Variants in KLRB1 observed in about 807,000 individuals in gnomAD.
KLRB1 encodes the protein killer cell lectin-like receptor subfamily B member 1.
A neutral mutation model predicts 33.5 loss-of-function variants in KLRB1; 27 were observed. The observed-to-expected ratio is 0.81, with a 90% CI of 0.59 to 1.11. KLRB1 has a LOEUF of 1.11. Among genes scored for constraint, KLRB1 ranks in the 50% most tolerant of loss-of-function variants. The probability of loss-of-function intolerance (pLI) is 0.00; values close to 1 mark genes in which losing one functional copy is unlikely to be tolerated. For missense variants in KLRB1, 241 were observed against 254.1 expected (o/e 0.95, Z 0.35); for synonymous variants, 64 against 88.9 (o/e 0.72, Z 1.58).
intron 3 of KLRB1, 44 bp from the exon 4 acceptor site, chr12:9,598,697 A>C (rs1323336965): frequency 6.8e-7 from 1 of 1,473,916 alleles, no homozygotes; most frequent in East Asian, 2.3e-5. Flanking sequence ...TATATTTCTA[A>C]CCTATCCCTG....
intron 1 of KLRB1, among the ~76,000 whole-genome samples, chr12:9,604,887 G>A (rs1429202190): frequency 1.1e-4 from 16 of 151,988 alleles, no homozygotes; most frequent in East Asian, 5.8e-4. Context: ...TGGGCACAAT[G>A]TGCAGGTTTG....
At chr12:9,597,333 A>G (rs760180120) in intron 5 of KLRB1, among the ~76,000 whole-genome samples, 10 of 152,146 alleles carry the variant, frequency 6.6e-5, no homozygotes, top group Non-Finnish European at 1.5e-4. Context: ...AGGCCTATAC[A>G]TTTTCGCTTG....
intron 3 of KLRB1, 69 bp from the exon 4 acceptor site, chr12:9,598,722 A>G (rs1864514961): frequency 9.5e-7 from 1 of 1,048,818 alleles, no homozygotes; most frequent in African/African-American, 1.6e-5. Context: ...ACCACAACCA[A>G]TCACACACAC....
At chr12:9,606,756 A>ATTTTT (rs1188705968) in intron 1 of KLRB1, among the ~76,000 whole-genome samples, 32 of 31,528 alleles carry the variant, frequency 1.0e-3, no homozygotes, top group Non-Finnish European at 1.6e-3. Flanking sequence ...ATATATATAT[A>ATTTTT]TATATTTTTT....
intron 1 of KLRB1, among the ~76,000 whole-genome samples, chr12:9,607,250 C>CTT (rs1555097683): frequency 3.1e-4 from 38 of 122,488 alleles, no homozygotes; most frequent in Non-Finnish European, 5.1e-4. Flanking sequence ...CTTCCTCCTT[C>CTT]TCTTTTTCTT....
Position 9,607,335 on chromosome 12 carries a change from C to CCTCT in KLRB1, c.85+419_85+420insAGAG, listed in dbSNP as rs1555097757. ...TTTCTTCTTTTCTTTCTCTTTCTTT[C>CCTCT]CTTTCTTTCTTTCTTTCTTCCTTTC... On this transcript the variant is annotated intron_variant, in intron 1 of 5. Transcript: ENST00000229402. Among the ~76,000 whole-genome samples, 6 of 65,270 alleles carry CCTCT rather than the reference C, an allele frequency of 9.2e-5. 2 individuals are homozygous for CCTCT. The South Asian group carries it at 2.5e-3, about 28-fold the overall frequency. The allele number at this position is 65,270 out of a possible 152,430, so 42.8% of individuals were successfully genotyped here. A position where few individuals can be genotyped will look rare whatever the true frequency, so the allele number is the denominator to read the frequency against.
intron 5 of KLRB1, among the ~76,000 whole-genome samples, chr12:9,596,718 TTTTA>T (rs1864495418): frequency 6.6e-6 from 1 of 152,224 alleles, no homozygotes; most frequent in Non-Finnish European, 1.5e-5. Flanking sequence ...TGTTTTCAAA[TTTTA>T]TTTTTTACTG....
At chr12:9,599,970 A>T in intron 2 of KLRB1, 129 bp from the exon 3 acceptor site, 2 of 508,144 alleles carry the variant, frequency 3.9e-6, no homozygotes, top group Non-Finnish European at 3.4e-6. Context: ...TAAAAGTATT[A>T]GCGAAGTGGT....
At chr12:9,606,749 TATA>T (rs1301788389) in intron 1 of KLRB1, among the ~76,000 whole-genome samples, 1 of 31,912 alleles carries the variant, frequency 3.1e-5, no homozygotes, top group African/African-American at 1.3e-4. Flanking sequence ...TATATATATA[TATA>T]TATATATATT....
At chr12:9,595,703 T>G (rs1022837081) in intron 5 of KLRB1, among the ~76,000 whole-genome samples, 3 of 151,706 alleles carry the variant, frequency 2.0e-5, no homozygotes, top group Admixed American at 6.5e-5. Context: ...GGATTCAGTC[T>G]TCTTATTGTT....
chr12:9,601,694 C>A (rs1385519798), intron 1 of KLRB1, 95 bp from the exon 2 acceptor site: 1 of 758,872 alleles, frequency 1.3e-6, no homozygotes, highest in Non-Finnish European at 2.3e-6. Context: ...CAAAAATGTA[C>A]TTGGGATAAC....
At chr12:9,595,562 AT>A in intron 5 of KLRB1, 141 bp from the exon 6 acceptor site, 1 of 745,050 alleles carries the variant, frequency 1.3e-6, no homozygotes. Flanking sequence ...CACAAATATA[AT>A]GGTATGAACT....
chr12:9,607,592 C>T (rs1864637392), intron 1 of KLRB1, 163 bp downstream of exon 1: 1 of 555,890 alleles, frequency 1.8e-6, no homozygotes, highest in Non-Finnish European at 3.2e-6. Context: ...AATTTTTTTT[C>T]CCAAAGTTGT....
At chr12:9,603,361 T>C (rs1178950204) in intron 1 of KLRB1, among the ~76,000 whole-genome samples, 2 of 152,184 alleles carry the variant, frequency 1.3e-5, no homozygotes, top group Admixed American at 1.3e-4. Context: ...TCCTTGAAAC[T>C]CTAAGTTTGT....
intron 1 of KLRB1, among the ~76,000 whole-genome samples, chr12:9,603,756 A>G (rs1864570960): frequency 6.6e-6 from 1 of 152,016 alleles, no homozygotes; most frequent in South Asian, 2.1e-4. Context: ...ACTAACATGA[A>G]TTTAGTAATT....
At chr12:9,602,920 C>T (rs755815990) in intron 1 of KLRB1, among the ~76,000 whole-genome samples, 4 of 152,226 alleles carry the variant, frequency 2.6e-5, no homozygotes, top group Admixed American at 2.6e-4. Flanking sequence ...AGTTTGCAGA[C>T]CTGATAATCT....
intron 1 of KLRB1, among the ~76,000 whole-genome samples, chr12:9,604,210 G>A (rs1055900918): frequency 4.6e-5 from 7 of 152,048 alleles, no homozygotes; most frequent in South Asian, 2.1e-4. Context: ...GGGGTCCGGC[G>A]GACGTTAGCT....
At position 9,606,758 on chromosome 12, in the gene KLRB1, A is replaced by ATTTTTTTTTTTTTT. The variant is rs1285915836; in HGVS notation, c.85+996_85+997insAAAAAAAAAAAAAA. On this transcript the variant is annotated intron_variant, in intron 1 of 5. Transcript: ENST00000229402. ...AGTATATATATATATATATATATAT[A>ATTTTTTTTTTTTTT]TATTTTTTTTTTTTTTTTGAGATAG... Among the ~76,000 whole-genome samples the ATTTTTTTTTTTTTT allele has an allele frequency of 7.4e-4, 49 of 65,890 alleles. 5 individuals are homozygous for ATTTTTTTTTTTTTT. Among genetic ancestry groups the ATTTTTTTTTTTTTT allele is most frequent in the South Asian group, 8.3e-4 (2 of 2,414 alleles). The allele number at this position is 65,890 out of a possible 152,430, so 43.2% of individuals were successfully genotyped here. A position where few individuals can be genotyped will look rare whatever the true frequency, so the allele number is the denominator to read the frequency against.
chr12:9,596,791 A>C (rs770627243), intron 5 of KLRB1, among the ~76,000 whole-genome samples: 1 of 152,198 alleles, frequency 6.6e-6, no homozygotes, highest in African/African-American at 2.4e-5. Context: ...ACACACACAA[A>C]CTATACTTAA....
Sources: allele counts gnomAD v4.1 joint callset (sites outside exome capture counted in the v4.1 genomes callset), GRCh38; gene constraint gnomAD v4.1.1; transcripts MANE v1.5; gene names NCBI Gene and HGNC (gene_info 2026-07-23, HGNC 2026-07-21).